The following PRKG1 variants were observed in gnomAD, a reference collection of about 807,000 sequenced individuals.
PRKG1 encodes protein kinase cGMP-dependent 1.
A neutral mutation model predicts 88.1 loss-of-function variants in PRKG1; 35 were observed. That is an observed-to-expected ratio of 0.40 (90% CI 0.30 to 0.53). PRKG1 has a LOEUF of 0.53. Among genes scored for constraint, PRKG1 ranks in the 20% least tolerant of loss-of-function variants. The pLI, the probability that PRKG1 is intolerant of heterozygous loss-of-function variation, is 0.59. For missense variants in PRKG1, 540 were observed against 839.8 expected (o/e 0.64, Z 4.41); for synonymous variants, 303 against 292.5 (o/e 1.04, Z -0.37).
At chr10:52,215,130 C>T (rs991054986) in intron 9 of PRKG1, among the ~76,000 whole-genome samples, 2 of 151,464 alleles carry the variant, frequency 1.3e-5, no homozygotes, top group African/African-American at 2.4e-5. Context: ...CATGGTGGCT[C>T]ATGCCTGTAA....
chr10:51,994,710 T>C (rs1214806515), intron 5 of PRKG1, among the ~76,000 whole-genome samples: 5 of 152,168 alleles, frequency 3.3e-5, no homozygotes, highest in Non-Finnish European at 7.4e-5. Context: ...TCCAGGAGGA[T>C]AGAGTGTGCT....
At chr10:51,395,281 T>C (rs1346505144) in intron 2 of PRKG1, among the ~76,000 whole-genome samples, 1 of 152,244 alleles carries the variant, frequency 6.6e-6, no homozygotes, top group African/African-American at 2.4e-5. Flanking sequence ...TCTCTCCACA[T>C]AGTAACCTGT....
At chr10:51,372,096 A>G (rs549404901) in intron 2 of PRKG1, among the ~76,000 whole-genome samples, 2 of 152,246 alleles carry the variant, frequency 1.3e-5, no homozygotes, top group South Asian at 4.1e-4. Context: ...ATAACTCAGC[A>G]TGTGTTTCAG....
rs144569509 is a variant in PRKG1 at position 51,034,133 on chromosome 10, A to C, written c.266+42489A>C. Among the ~76,000 whole-genome samples the C allele has an allele frequency of 1.1e-3, 160 of 152,278 alleles. 2 individuals are homozygous for C. Among genetic ancestry groups the C allele is most frequent in the African/African-American group, 3.4e-3 (141 of 41,574 alleles). On this transcript the variant is annotated intron_variant, in intron 1 of 17. Transcript: ENST00000401604. ...GACATTACAGTTATTAATTTGCTTTAAATATTTTTATTAGGTGGCAAGCAC... is the reference window on the plus strand; with the variant it reads ...GACATTACAGTTATTAATTTGCTTTCAATATTTTTATTAGGTGGCAAGCAC...
At chr10:51,014,872 A>G (rs1305171686) in intron 1 of PRKG1, among the ~76,000 whole-genome samples, 2 of 152,166 alleles carry the variant, frequency 1.3e-5, no homozygotes, top group African/African-American at 4.8e-5. Flanking sequence ...TCTGACTTAG[A>G]TGTGGTTCTG....
chr10:51,459,270 T>C (rs950258349), intron 2 of PRKG1, among the ~76,000 whole-genome samples: 36 of 151,998 alleles, frequency 2.4e-4, no homozygotes, highest in African/African-American at 8.5e-4. Context: ...GAGAGAGGGG[T>C]AGGACATTTA....
intron 9 of PRKG1, among the ~76,000 whole-genome samples, chr10:52,237,547 C>G (rs1840720807): frequency 7.2e-6 from 1 of 138,122 alleles, no homozygotes; most frequent in Non-Finnish European, 1.5e-5. Context: ...AGAGCCAAAT[C>G]ATGAGTGAAC....
At chr10:51,416,072 T>C (rs1451943876) in intron 2 of PRKG1, among the ~76,000 whole-genome samples, 1 of 152,208 alleles carries the variant, frequency 6.6e-6, no homozygotes, top group Non-Finnish European at 1.5e-5. Context: ...ATGATTGTAT[T>C]ATGTATAAGG....
chr10:52,038,540 T>G, intron 5 of PRKG1, among the ~76,000 whole-genome samples: 1 of 152,094 alleles, frequency 6.6e-6, no homozygotes, highest in South Asian at 2.1e-4. Context: ...AAAGCGGGAC[T>G]TGCCGCTAAG....
chr10:51,380,074 C>G (rs1837034122), intron 2 of PRKG1, among the ~76,000 whole-genome samples: 5 of 152,186 alleles, frequency 3.3e-5, no homozygotes, highest in Admixed American at 3.3e-4. Flanking sequence ...TTGAAGCCCT[C>G]TATGTCTAGG....
intron 2 of PRKG1, among the ~76,000 whole-genome samples, chr10:51,158,732 A>G (rs1846281329): frequency 6.6e-6 from 1 of 152,006 alleles, no homozygotes. Flanking sequence ...TTTAGAATTA[A>G]ATTCCACCAT....
At chr10:51,066,738 T>G (rs1332968221) in intron 1 of PRKG1, among the ~76,000 whole-genome samples, 1 of 152,156 alleles carries the variant, frequency 6.6e-6, no homozygotes, top group Non-Finnish European at 1.5e-5. Flanking sequence ...TAATACATAC[T>G]GGAATGTTAA....
intron 5 of PRKG1, among the ~76,000 whole-genome samples, chr10:51,983,369 A>G (rs1744348863): frequency 6.6e-6 from 1 of 152,100 alleles, no homozygotes; most frequent in African/African-American, 2.4e-5. Flanking sequence ...GGTGTATGGC[A>G]TGGGGGCAGT....
chr10:51,559,291 G>A (rs1031536068), intron 3 of PRKG1, among the ~76,000 whole-genome samples: 4 of 152,096 alleles, frequency 2.6e-5, no homozygotes, highest in East Asian at 1.9e-4. Context: ...TGATACCGAC[G>A]GGACAGAAAA....
chr10:51,191,584 G>A (rs1309560191), intron 2 of PRKG1, among the ~76,000 whole-genome samples: 1 of 151,694 alleles, frequency 6.6e-6, no homozygotes, highest in Non-Finnish European at 1.5e-5. Context: ...ATAATTTATT[G>A]AGACTTATTA....
intron 3 of PRKG1, among the ~76,000 whole-genome samples, chr10:51,594,911 TA>T (rs1364628384): frequency 6.6e-6 from 1 of 152,186 alleles, no homozygotes; most frequent in Admixed American, 6.5e-5. Context: ...TGGGGAATTA[TA>T]AAATTTGGAT....
chr10:51,652,507 G>C (rs1441859246), intron 3 of PRKG1, among the ~76,000 whole-genome samples: 3 of 151,968 alleles, frequency 2.0e-5, no homozygotes, highest in Non-Finnish European at 4.4e-5. Flanking sequence ...GGAACATCAA[G>C]AAAGAACTTT....
chr10:51,392,919 C>T (rs1482259008), intron 2 of PRKG1, among the ~76,000 whole-genome samples: 1 of 75,500 alleles, frequency 1.3e-5, no homozygotes, highest in East Asian at 3.6e-4. Flanking sequence ...TGACCACCCC[C>T]ACCTCCCTCC....
At chr10:51,127,900 T>C (rs368429180) in intron 1 of PRKG1, among the ~76,000 whole-genome samples, 10 of 151,404 alleles carry the variant, frequency 6.6e-5, no homozygotes, top group African/African-American at 1.7e-4. Flanking sequence ...TAAGTGGGAG[T>C]TGAACAATGA....
Sources: allele counts gnomAD v4.1 joint callset (sites outside exome capture counted in the v4.1 genomes callset), GRCh38; gene constraint gnomAD v4.1.1; transcripts MANE v1.5; gene names NCBI Gene and HGNC (gene_info 2026-07-23, HGNC 2026-07-21).